The following ACTN4 variants were observed in gnomAD, a reference collection of about 807,000 sequenced individuals.
ACTN4 encodes actinin alpha 4, also known as alpha-actinin-4.
Under a neutral mutation model 114.2 loss-of-function variants are expected in ACTN4, and 18 were observed. The ratio of observed to expected loss-of-function variants is 0.16; its 90% CI spans 0.11 to 0.23. The LOEUF is 0.23. ACTN4 is among the 10% of genes least tolerant of loss of function. ACTN4 has a pLI of 1.00. For missense variants in ACTN4, 722 were observed against 1,262.9 expected, an observed-to-expected ratio of 0.57 and a Z score of 6.49; for synonymous variants, 515 against 506.3, an observed-to-expected ratio of 1.02 and a Z score of -0.23.
intron 1 of ACTN4, among the ~76,000 whole-genome samples, chr19:38,676,816 C>A (rs1477247760): frequency 6.6e-6 from 1 of 152,200 alleles, no homozygotes; most frequent in Admixed American, 6.5e-5. Context: ...GGCCCAGGTG[C>A]TGATGCCAAG....
At chr19:38,698,514 C>G (rs2043035093) in intron 1 of ACTN4, among the ~76,000 whole-genome samples, 1 of 152,152 alleles carries the variant, frequency 6.6e-6, no homozygotes, top group Non-Finnish European at 1.5e-5. Context: ...CTGTTAGAGA[C>G]CAGAGAGCAA....
In ACTN4 at chr19:38,717,042, T is replaced by C. The variant is rs746223131; in HGVS notation, c.913-44T>C. 2 of 1,580,580 alleles carry C rather than the reference T, an allele frequency of 1.3e-6. No homozygotes were observed. The highest frequency in any genetic ancestry group is 2.3e-5 in the South Asian group (2 of 87,746). Reference sequence around the variant, plus strand: ...GCTGGGGGGCAGCCCGTCAGCACTCTGAGGGTCCCCCACAAAGGCCACGCT... The same window carrying C: ...GCTGGGGGGCAGCCCGTCAGCACTCCGAGGGTCCCCCACAAAGGCCACGCT... On this transcript the variant is annotated intron_variant, in intron 9 of 20. Coordinates refer to ENST00000252699, the MANE Select transcript of ACTN4 (RefSeq NM_004924.6). The surrounding 1 kb of genome is among the most constrained non-coding windows in gnomAD (Gnocchi z 4.0).
intron 1 of ACTN4, among the ~76,000 whole-genome samples, chr19:38,657,074 C>G (rs1976732490): frequency 1.3e-5 from 2 of 151,992 alleles, no homozygotes; most frequent in African/African-American, 4.8e-5. Flanking sequence ...CTCTTGGGCT[C>G]AAGGGATCTT....
intron 1 of ACTN4, among the ~76,000 whole-genome samples, chr19:38,681,094 C>T (rs556787176): frequency 7.9e-6 from 1 of 126,640 alleles, no homozygotes; most frequent in African/African-American, 2.9e-5. Flanking sequence ...CCACTGTACT[C>T]TAGCCTGGGT....
At chr19:38,703,334 G>A (rs2145002956) in intron 3 of ACTN4, among the ~76,000 whole-genome samples, 1 of 151,754 alleles carries the variant, frequency 6.6e-6, no homozygotes, top group Non-Finnish European at 1.5e-5. Context: ...TGCCTCCCGG[G>A]CTCAAGCAAT....
chr19:38,699,504 C>T (rs2067276464), intron 1 of ACTN4, among the ~76,000 whole-genome samples: 1 of 152,116 alleles, frequency 6.6e-6, no homozygotes, highest in Non-Finnish European at 1.5e-5. Context: ...CCTGTAATCC[C>T]AGCAGTTTGG....
At chr19:38,655,113 C>T (rs941408642) in intron 1 of ACTN4, among the ~76,000 whole-genome samples, 4 of 152,072 alleles carry the variant, frequency 2.6e-5, no homozygotes, top group African/African-American at 9.7e-5. Flanking sequence ...CTTTTATAGA[C>T]ACATAATAAT....
intron 1 of ACTN4, among the ~76,000 whole-genome samples, chr19:38,654,281 G>A (rs545407048): frequency 1.3e-5 from 2 of 152,272 alleles, no homozygotes; most frequent in East Asian, 1.9e-4. Context: ...AAGTGAAATC[G>A]CCGGGTGTGG....
chr19:38,721,454 C>A (rs1969037544), intron 11 of ACTN4, 84 bp from the exon 12 acceptor site: 2 of 1,525,216 alleles, frequency 1.3e-6, no homozygotes, highest in Admixed American at 3.4e-5. Context: ...GTCTCTCTTT[C>A]CCTCCCTCTG....
At chr19:38,688,914 C>G (rs1435210048) in intron 1 of ACTN4, among the ~76,000 whole-genome samples, 1 of 152,078 alleles carries the variant, frequency 6.6e-6, no homozygotes, top group East Asian at 1.9e-4. Flanking sequence ...AAAATTTAAA[C>G]ATGTTTTGTA....
intron 2 of ACTN4, 39 bp downstream of exon 2, chr19:38,700,753 A>G: frequency 6.4e-7 from 1 of 1,566,166 alleles, no homozygotes; most frequent in Non-Finnish European, 8.8e-7. Flanking sequence ...GAGCCCTGGC[A>G]CAGGTGCTCT....
At chr19:38,681,410 C>T (rs1005939000) in intron 1 of ACTN4, among the ~76,000 whole-genome samples, 10 of 152,112 alleles carry the variant, frequency 6.6e-5, no homozygotes, top group African/African-American at 2.4e-4. Context: ...GAGATCTCCA[C>T]CCCCCACTGC....
rs1568690113 is a variant in ACTN4 at position 38,673,606 on chromosome 19, T to C, written c.162+25699T>C. On this transcript the variant is annotated intron_variant, in intron 1 of 20. Coordinates refer to ENST00000252699, the MANE Select transcript of ACTN4 (RefSeq NM_004924.6). ...ATATATTTATATATATTCATATATATTCATTTATATTTATATATATTCATA... is the reference window on the plus strand; with the variant it reads ...ATATATTTATATATATTCATATATACTCATTTATATTTATATATATTCATA... Among the ~76,000 whole-genome samples, 14 of 81,358 alleles carry C rather than the reference T, an allele frequency of 1.7e-4. 2 individuals are homozygous for C. The highest frequency in any genetic ancestry group is 3.0e-4 in the East Asian group (1 of 3,316). The allele number at this position is 81,358 out of a possible 152,430, so 53.4% of individuals were successfully genotyped here.
chr19:38,679,568 C>CGCGTGTGTGT (rs1555827861), intron 1 of ACTN4, among the ~76,000 whole-genome samples: 3 of 145,524 alleles, frequency 2.1e-5, no homozygotes, highest in African/African-American at 7.6e-5. Context: ...TTTGGGTGTG[C>CGCGTGTGTGT]GTGTGTGTGT....
chr19:38,716,590 T>G (rs897188968), intron 9 of ACTN4, among the ~76,000 whole-genome samples: 1 of 152,154 alleles, frequency 6.6e-6, no homozygotes, highest in African/African-American at 2.4e-5. Context: ...TCCCACCACT[T>G]TGGGAGGCTA....
At position 38,673,535 on chromosome 19, in the gene ACTN4, A is replaced by ATTTATATATATTTATATATATATT. The variant is rs1568689736; in HGVS notation, c.162+25628_162+25629insTTTATATATATTTATATATATATT. Among the ~76,000 whole-genome samples, 67 of 52,140 alleles carry ATTTATATATATTTATATATATATT rather than the reference A, an allele frequency of 1.3e-3. 6 individuals carry two copies. The highest frequency in any genetic ancestry group is 3.2e-3 in the African/African-American group (65 of 20,544). 34.2% of individuals were successfully genotyped at this position (52,140 alleles called of 152,430 possible). A position where few individuals can be genotyped will look rare whatever the true frequency, so the allele number is the denominator to read the frequency against. On this transcript the variant is annotated intron_variant, in intron 1 of 20. Coordinates refer to ENST00000252699, the MANE Select transcript of ACTN4 (RefSeq NM_004924.6). ...TATATATTTATATATATTCATATAT[A>ATTTATATATATTTATATATATATT]CTTATATATATTTATATATACTTAT...
At chr19:38,658,796 G>T (rs879495845) in intron 1 of ACTN4, among the ~76,000 whole-genome samples, 3 of 152,122 alleles carry the variant, frequency 2.0e-5, no homozygotes, top group Admixed American at 2.0e-4. Context: ...GTATCCAGAC[G>T]GTAAACATCA....
chr19:38,721,841 G>A, intron 12 of ACTN4, 153 bp downstream of exon 12: 1 of 1,155,164 alleles, frequency 8.7e-7, no homozygotes, highest in Non-Finnish European at 1.3e-6. Flanking sequence ...CCAGGGAAGG[G>A]CCTTATGGGA....
At chr19:38,673,547 T>TA (rs1967227639) in intron 1 of ACTN4, among the ~76,000 whole-genome samples, 3 of 88,236 alleles carry the variant, frequency 3.4e-5, no homozygotes, top group Admixed American at 1.4e-4. Flanking sequence ...TTATATATAT[T>TA]TATATATACT....
Sources: gnomAD v4.1 joint callset for allele counts (sites outside exome capture counted in the v4.1 genomes callset) on GRCh38, gnomAD v4.1.1 for gene constraint, Gnocchi (gnomAD v3.1) non-coding constraint, MANE v1.5 for transcripts, NCBI Gene and HGNC (gene_info 2026-07-23, HGNC 2026-07-21) for gene names.